Variants in HHATL observed in about 807,000 individuals in gnomAD.
HHATL encodes hedgehog acyltransferase like.
A neutral mutation model predicts 59.7 loss-of-function variants in HHATL; 49 were observed. The observed-to-expected ratio is 0.82, with a 90% CI of 0.65 to 1.04. The LOEUF (loss-of-function observed/expected upper bound fraction) is 1.04. HHATL is among the 50% of genes least tolerant of loss of function. The probability of loss-of-function intolerance (pLI) is 0.00; values close to 1 mark genes in which losing one functional copy is unlikely to be tolerated. For synonymous variants in HHATL, 238 were observed against 257.3 expected (o/e 0.93, Z 0.72); for missense variants, 605 against 650.8 (o/e 0.93, Z 0.77).
In HHATL at chr3:42,693,136, A is replaced by G. The variant is rs1243531895; in HGVS notation, c.1331T>C (p.Leu444Pro). 2 of 1,614,044 alleles carry G rather than the reference A, an allele frequency of 1.2e-6. No homozygotes were observed. Among genetic ancestry groups the G allele is most frequent in the African/African-American group, 1.3e-5 (1 of 74,912 alleles). ...MNFWAIIMYNLVSLNSLKFTE... is the reference protein window; with the variant it reads ...MNFWAIIMYNPVSLNSLKFTE... ...GAATTTGAGGCTGTTCAGGCTCACAAGGTTGTACATGATGATGGCCCAGAA... is the reference window on the plus strand; with the variant it reads ...GAATTTGAGGCTGTTCAGGCTCACAGGGTTGTACATGATGATGGCCCAGAA... Residue 444 changes from leucine (L) to proline (P), a missense_variant, in exon 11 of 12, where the codon CTT becomes CCT. Coordinates refer to ENST00000441594, the MANE Select transcript of HHATL (RefSeq NM_020707.4).
chr3:42,693,937 C>T, intron 9 of HHATL, 119 bp from the exon 10 acceptor site: 1 of 790,150 alleles, frequency 1.3e-6, no homozygotes, highest in South Asian at 1.6e-5. Context: ...ATTCAACATT[C>T]CTGACCTCAC....
At chr3:42,696,095 C>T (rs1697599116) in intron 9 of HHATL, among the ~76,000 whole-genome samples, 1 of 152,140 alleles carries the variant, frequency 6.6e-6, no homozygotes, top group African/African-American at 2.4e-5. Flanking sequence ...TCCATGTCAC[C>T]AGCACTAATC....
In HHATL at chr3:42,693,812, C is replaced by T. The variant is rs1402442322; in HGVS notation, c.1053G>A (p.Val351=). ...RGINDWLCKY[V]YNHIGGEHSA... The stretch of plus-strand genomic sequence containing the variant: ...AATGCTCCCCACCAATGTGGTTATA[C>T]ACATATCTGCAGGAAAGATGGGAGA... Residue 351 remains valine, a synonymous_variant, in exon 10 of 12, where the codon GTG becomes GTA. Transcript: ENST00000441594. 4.3e-6 allele frequency: 7 copies of T among 1,613,208 alleles called. No individual in the cohort carries two copies. The highest frequency in any genetic ancestry group is 4.0e-5 in the African/African-American group (3 of 74,884).
At chr3:42,693,877 G>C (rs1697474228) in intron 9 of HHATL, 59 bp from the exon 10 acceptor site, 1 of 1,430,774 alleles carries the variant, frequency 7.0e-7, no homozygotes, top group Admixed American at 1.7e-5. Context: ...GGATGAGATG[G>C]GAGAGGACAC....
chr3:42,694,972 T>G (rs1217313116), intron 9 of HHATL, among the ~76,000 whole-genome samples: 4 of 152,196 alleles, frequency 2.6e-5, no homozygotes, highest in Non-Finnish European at 5.9e-5. Context: ...GAGTTCAGGG[T>G]CTTTGCCATG....
chr3:42,694,834 C>T (rs567012289), intron 9 of HHATL, among the ~76,000 whole-genome samples: 7 of 152,238 alleles, frequency 4.6e-5, no homozygotes, highest in Admixed American at 3.9e-4. Flanking sequence ...AGCTTCTACC[C>T]TGTTGTCAAC....
At chr3:42,695,220 C>T (rs1358099315) in intron 9 of HHATL, among the ~76,000 whole-genome samples, 2 of 152,312 alleles carry the variant, frequency 1.3e-5, no homozygotes, top group Non-Finnish European at 2.9e-5. Flanking sequence ...TGCCCAACTC[C>T]TCTTGACCTC....
rs1386017053 is a variant in HHATL at position 42,696,657 on chromosome 3, G to A, written c.1046+185C>T. ...TCCTCCCACCACCTCTCTCCACCTC[G>A]AGGGCCCTCACTTAAATCCTAACTT... On this transcript the variant is annotated intron_variant, in intron 9 of 11. Coordinates refer to ENST00000441594, the MANE Select transcript of HHATL (RefSeq NM_020707.4). Among the ~76,000 whole-genome samples the A allele has an allele frequency of 2.0e-5, 3 of 152,034 alleles. 1 individual carries two copies. Among genetic ancestry groups the A allele is most frequent in the African/African-American group, 7.3e-5 (3 of 41,366 alleles).
In HHATL at chr3:42,693,139, T is replaced by C; in HGVS notation, c.1328A>G (p.Asn443Ser). 1 of 1,614,098 alleles carries C rather than the reference T, an allele frequency of 6.2e-7. No homozygotes were observed. Among genetic ancestry groups the C allele is most frequent in the Non-Finnish European group, 8.5e-7 (1 of 1,180,004 alleles). The stretch of plus-strand genomic sequence containing the variant: ...TTTGAGGCTGTTCAGGCTCACAAGG[T>C]TGTACATGATGATGGCCCAGAAGTT... Reference protein sequence around the residue: ...AMNFWAIIMYNLVSLNSLKFT... With the variant: ...AMNFWAIIMYSLVSLNSLKFT... Residue 443 changes from asparagine to serine, a missense_variant, in exon 11 of 12, where the codon AAC becomes AGC. Transcript: ENST00000441594.
intron 1 of HHATL, among the ~76,000 whole-genome samples, chr3:42,702,337 C>T (rs919205308): frequency 5.3e-5 from 8 of 152,236 alleles, no homozygotes; most frequent in South Asian, 2.1e-4. Context: ...ATGGCCGGTG[C>T]GGGGTGTCCC....
intron 2 of HHATL, 67 bp downstream of exon 2, chr3:42,700,654 G>T: frequency 9.3e-7 from 1 of 1,071,496 alleles, no homozygotes; most frequent in Non-Finnish European, 1.4e-6. Flanking sequence ...TGGCTTTGCT[G>T]GTTGGAACCC....
chr3:42,701,086 C>A lies in HHATL; in HGVS notation c.-13-247G>T. On this transcript the variant is annotated intron_variant, in intron 1 of 11. Transcript: ENST00000441594. This position sits in a 1 kb window ranked among gnomAD's most constrained non-coding sequence, Gnocchi z 5.1. ...CCATCAAGGCTCTTGCCCGCAGAGCCCTCACTCGCAGCCTGCCTCCCTCAC... is the reference window on the plus strand; with the variant it reads ...CCATCAAGGCTCTTGCCCGCAGAGCACTCACTCGCAGCCTGCCTCCCTCAC... 2.1e-6 allele frequency: 1 copy of A among 483,496 alleles called. No homozygotes were observed. The highest frequency in any genetic ancestry group is 3.7e-6 in the Non-Finnish European group (1 of 267,470). 30.0% of individuals were successfully genotyped at this position (483,496 alleles called of 1,614,324 possible).
In HHATL at chr3:42,693,145, A is replaced by C. The variant is rs746325431; in HGVS notation, c.1322T>G (p.Met441Arg). 1 of 1,614,234 alleles carries C rather than the reference A, an allele frequency of 6.2e-7. No homozygotes were observed. The highest frequency in any genetic ancestry group is 8.5e-7 in the Non-Finnish European group (1 of 1,180,042). ...GCTGTTCAGGCTCACAAGGTTGTAC[A>C]TGATGATGGCCCAGAAGTTCATGGC... ...FGAMNFWAII[M>R]YNLVSLNSLK... The change falls in exon 11 of 12, where the codon ATG (methionine) becomes AGG (arginine). Residue 441 changes from methionine to arginine, a missense_variant. Physicochemically the swap from Met to Arg is moderately conservative, Grantham distance 91. Transcript: ENST00000441594.
intron 4 of HHATL, 37 bp downstream of exon 4, chr3:42,698,995 T>C: frequency 6.2e-7 from 1 of 1,611,994 alleles, no homozygotes; most frequent in Non-Finnish European, 8.5e-7. Flanking sequence ...AAAGAGGAGC[T>C]GGCAGGGAGA....
intron 1 of HHATL, 23 bp from the exon 2 acceptor site, chr3:42,700,862 G>T (rs771129248): frequency 6.6e-7 from 1 of 1,526,456 alleles, no homozygotes. Context: ...GTTGGGTGAG[G>T]GAATTACAGT....
In HHATL at chr3:42,699,802, G is replaced by A. The variant is rs865821800; in HGVS notation, c.130C>T (p.Arg44Trp). 1.1e-5 allele frequency: 18 copies of A among 1,571,546 alleles called. No individual in the cohort carries two copies. Among genetic ancestry groups the A allele is most frequent in the African/African-American group, 2.7e-5 (2 of 73,872 alleles). ...TCCCAGCCAGGTCGCACAGACTCCC[G>A]GAAGGCCTTCCTGTGGGCCCCATCT... is the stretch of plus-strand genomic sequence containing the variant. ...SQDGAHRKAF[R>W]ESVRPGWEYI... is the part of the protein sequence containing the mutation. Residue 44 changes from arginine (R) to tryptophan (W), a missense_variant, in exon 3 of 12, where the codon CGG (arginine) becomes TGG (tryptophan). Coordinates refer to ENST00000441594, the MANE Select transcript of HHATL (RefSeq NM_020707.4).
At chr3:42,699,920 G>C in intron 2 of HHATL, 95 bp from the exon 3 acceptor site, 1 of 1,000,216 alleles carries the variant, frequency 1.0e-6, no homozygotes, top group Non-Finnish European at 1.5e-6. Flanking sequence ...GGGAGCGAGG[G>C]CATCAGGAAC....
intron 6 of HHATL, 88 bp downstream of exon 6, chr3:42,698,054 T>G: frequency 1.5e-6 from 2 of 1,337,428 alleles, no homozygotes; most frequent in Non-Finnish European, 2.1e-6. Flanking sequence ...GGATACAGCC[T>G]GCTTGGGGAA....
In HHATL at chr3:42,693,204, C is replaced by T; in HGVS notation, c.1263G>A (p.Val421=). 1.2e-6 allele frequency: 2 copies of T among 1,614,112 alleles called. No individual in the cohort carries two copies. Among genetic ancestry groups the T allele is most frequent in the South Asian group, 1.1e-5 (1 of 91,070 alleles). Residue 421 remains valine, a synonymous_variant, in exon 11 of 12, where the codon GTG becomes GTA. Transcript: ENST00000441594. Reference sequence around the variant, plus strand: ...GGGCCCGGACCCTACGGGACATCTGCACTGACAGAGAGGCCTATCCGGTCC... The same window carrying T: ...GGGCCCGGACCCTACGGGACATCTGTACTGACAGAGAGGCCTATCCGGTCC... ...PLARIEASLS[V]QMSRRVRALF...
Sources: gnomAD v4.1 joint callset for allele counts (sites outside exome capture counted in the v4.1 genomes callset) on GRCh38, gnomAD v4.1.1 for gene constraint, Gnocchi (gnomAD v3.1) non-coding constraint, MANE v1.5 for transcripts, NCBI Gene and HGNC (gene_info 2026-07-23, HGNC 2026-07-21) for gene names.